The following LY6S variants were observed in gnomAD, a reference collection of about 807,000 sequenced individuals.
LY6S encodes the protein lymphocyte antigen 6 family member S.
At chr8:143,068,148 T>C in the LY6S span, among the ~76,000 whole-genome samples, 1 of 152,196 alleles carries the variant, frequency 6.6e-6, no homozygotes, top group African/African-American at 2.4e-5. Context: ...TGGGCAGAGG[T>C]CCCTGCGGCT....
the LY6S span, among the ~76,000 whole-genome samples, chr8:143,070,474 TAAATATA>T: frequency 2.0e-5 from 1 of 49,780 alleles, no homozygotes; most frequent in African/African-American, 7.8e-5. Context: ...AATATATATA[TAAATATA>T]TATATATATT....
the LY6S span, among the ~76,000 whole-genome samples, chr8:143,070,092 A>G: frequency 6.6e-6 from 1 of 151,540 alleles, no homozygotes; most frequent in Non-Finnish European, 1.5e-5. Flanking sequence ...CCCCTGGGGC[A>G]CCTCTCCTTG....
the LY6S span, chr8:143,053,617 T>A: frequency 6.6e-6 from 1 of 152,172 alleles, no homozygotes; most frequent in Non-Finnish European, 1.5e-5. Flanking sequence ...GTTCTTTAAG[T>A]TCCCCCTCTT....
the LY6S span, among the ~76,000 whole-genome samples, chr8:143,070,487 ATATTT>A: frequency 2.9e-4 from 24 of 84,070 alleles, 1 homozygote; most frequent in South Asian, 8.0e-3. Context: ...ATATATATAT[ATATTT>A]TTTTTTTTTT....
At chr8:143,053,474 A>C in the LY6S span, 1 of 152,196 alleles carries the variant, frequency 6.6e-6, no homozygotes, top group African/African-American at 2.4e-5. Context: ...AAACGCTGGG[A>C]ATATGCCAGA....
At chr8:143,070,399 ATTT>A in the LY6S span, among the ~76,000 whole-genome samples, 4 of 126,108 alleles carry the variant, frequency 3.2e-5, no homozygotes, top group Non-Finnish European at 6.3e-5. Flanking sequence ...ATTTATATAT[ATTT>A]TTTATTTATG....
chr8:143,055,482 T>G, the LY6S span, among the ~76,000 whole-genome samples: 5 of 152,228 alleles, frequency 3.3e-5, no homozygotes, highest in Admixed American at 6.5e-5. Flanking sequence ...GAAAGTTTTG[T>G]AAAGAATGAA....
At chr8:143,058,387 C>T in the LY6S span, among the ~76,000 whole-genome samples, 7 of 152,140 alleles carry the variant, frequency 4.6e-5, no homozygotes, top group Admixed American at 3.3e-4. Context: ...ACGTGGGTTG[C>T]GTGTCCACTG....
chr8:143,048,812 C>CA, the LY6S span, among the ~76,000 whole-genome samples: 1 of 152,152 alleles, frequency 6.6e-6, no homozygotes, highest in Non-Finnish European at 1.5e-5. Flanking sequence ...GCTGTCCCTC[C>CA]AGACCTTATG....
At chr8:143,042,840 T>C in the LY6S span, 1 of 412,296 alleles carries the variant, frequency 2.4e-6, no homozygotes, top group East Asian at 7.0e-5. Flanking sequence ...AAGCAGCCAG[T>C]GGTGGGGCCT....
At chr8:143,057,507 C>T in the LY6S span, 1 of 759,066 alleles carries the variant, frequency 1.3e-6, no homozygotes. Context: ...CCCGGCCTCC[C>T]AAAGTGCTGG....
chr8:143,055,735 G>A, the LY6S span, among the ~76,000 whole-genome samples: 232 of 152,284 alleles, frequency 1.5e-3, no homozygotes, highest in African/African-American at 5.2e-3. Context: ...TAAATACGCC[G>A]TGAAAGACGC....
the LY6S span, chr8:143,044,529 T>C: frequency 6.3e-6 from 2 of 316,532 alleles, no homozygotes; most frequent in Non-Finnish European, 1.2e-5. Context: ...CTGCCCGCCA[T>C]GCCCACCCCA....
the LY6S span, chr8:143,057,522 A>C: frequency 1.2e-6 from 1 of 818,706 alleles, no homozygotes; most frequent in South Asian, 1.4e-5. Context: ...TGCTGGGATT[A>C]CAGGCGTGAG....
At chr8:143,040,889 C>T in the LY6S span, among the ~76,000 whole-genome samples, 10 of 152,220 alleles carry the variant, frequency 6.6e-5, no homozygotes, top group East Asian at 1.9e-4. Flanking sequence ...CGGCAGGTTC[C>T]GTGATGCCCC....
chr8:143,046,420 A>G, the LY6S span, among the ~76,000 whole-genome samples: 1 of 151,938 alleles, frequency 6.6e-6, no homozygotes, highest in African/African-American at 2.4e-5. Flanking sequence ...TACTAAAACT[A>G]CAAAAAAATT....
chr8:143,075,967 G>A, the LY6S span, among the ~76,000 whole-genome samples: 1 of 152,132 alleles, frequency 6.6e-6, no homozygotes, highest in African/African-American at 2.4e-5. The surrounding 1 kb of genome is among the most constrained non-coding windows in gnomAD (Gnocchi z 4.1). Flanking sequence ...AATATTGTCA[G>A]TGTGGTAAAT....
the LY6S span, chr8:143,057,290 C>T: frequency 0.58 from 157,830 of 272,082 alleles, 49,289 homozygotes; most frequent in Non-Finnish European, 0.65. Context: ...TGCTCTGTCA[C>T]GCAGGCTGGA....
At chr8:143,075,856 CTTCT>C in the LY6S span, among the ~76,000 whole-genome samples, 1 of 152,056 alleles carries the variant, frequency 6.6e-6, no homozygotes, top group Non-Finnish European at 1.5e-5. The surrounding 1 kb of genome is among the most constrained non-coding windows in gnomAD (Gnocchi z 4.1). Flanking sequence ...AATATGACTT[CTTCT>C]TTAACTGTGG....
Sources: allele counts gnomAD v4.1 joint callset (sites outside exome capture counted in the v4.1 genomes callset), GRCh38; gene constraint gnomAD v4.1.1; non-coding constraint Gnocchi (gnomAD v3.1); transcripts MANE v1.5; gene names NCBI Gene and HGNC (gene_info 2026-07-23, HGNC 2026-07-21).